Variants in NOS1 observed in about 807,000 individuals in gnomAD.
NOS1 encodes NOS type I.
Under a neutral mutation model 164.5 loss-of-function variants are expected in NOS1, and 51 were observed. The ratio of observed to expected loss-of-function variants is 0.31; its 90% CI spans 0.25 to 0.39. The LOEUF (loss-of-function observed/expected upper bound fraction) is 0.39, where lower values mean the gene tolerates loss of function less well. NOS1 is among the 10% of genes least tolerant of loss of function. The pLI is 1.00. For synonymous variants in NOS1, 719 were observed against 745.8 expected, an observed-to-expected ratio of 0.96 and a Z score of 0.59; for missense variants, 1,362 against 1,885.6, an observed-to-expected ratio of 0.72 and a Z score of 5.14.
chr12:117,291,393 T>G (rs970553954), intron 3 of NOS1, among the ~76,000 whole-genome samples: 3 of 152,082 alleles, frequency 2.0e-5, no homozygotes, highest in African/African-American at 4.8e-5. Context: ...TGGAAGAGCC[T>G]CTTTATGGGG....
At position 117,274,258 on chromosome 12, in the gene NOS1, A is replaced by G. The variant is rs1054989984; in HGVS notation, c.1665-1699T>C. Reference sequence around the variant, plus strand: ...CAGGGATATGCAAACGAAACCCACAATAAGATAACATTTCATCACAGTTAG... The same window carrying G: ...CAGGGATATGCAAACGAAACCCACAGTAAGATAACATTTCATCACAGTTAG... On this transcript the variant is annotated intron_variant, in intron 9 of 28. Coordinates refer to ENST00000317775, the MANE Select transcript of NOS1 (RefSeq NM_000620.5). Among the ~76,000 whole-genome samples the G allele has an allele frequency of 2.4e-4, 37 of 152,212 alleles. 1 individual carries two copies. The highest frequency in any genetic ancestry group is 9.8e-4 in the Admixed American group (15 of 15,276).
rs1220474468 is a variant in NOS1 at position 117,220,116 on chromosome 12, G to T, written c.4129C>A (p.Leu1377Ile). ...IQRIMTQQGK[L>I]SAEDAGVFIS... ...AATACGCCGGCGTCCTCTGCCGAGA[G>T]CTTCCCCTGCTGGGTCATGATGCGC... Residue 1377 changes from leucine (L) to isoleucine (I), a missense_variant, in exon 27 of 29, where the codon CTC becomes ATC. Around this residue, in one of 4 missense-constraint regions of NOS1, gnomAD observed 737 missense variants for 1,030.3 expected, o/e 0.72. Transcript: ENST00000317775. 1 of 1,613,552 alleles carries T rather than the reference G, an allele frequency of 6.2e-7. No homozygotes were observed. The highest frequency in any genetic ancestry group is 8.5e-7 in the Non-Finnish European group (1 of 1,179,758).
chr12:117,251,811 A>AT (rs1871122473), intron 17 of NOS1, among the ~76,000 whole-genome samples: 1 of 151,568 alleles, frequency 6.6e-6, no homozygotes, highest in Non-Finnish European at 1.5e-5. Context: ...GGCTCACTGT[A>AT]ACCTCTGCCT....
intron 3 of NOS1, 44 bp downstream of exon 3, chr12:117,311,421 GA>G: frequency 6.5e-7 from 1 of 1,540,990 alleles, no homozygotes; most frequent in East Asian, 2.4e-5. Flanking sequence ...AGGGGGTCGA[GA>G]AGGCGTGGGA....
At position 117,214,770 on chromosome 12, in the gene NOS1, A is replaced by T. The variant is rs1381047742; in HGVS notation, c.*539T>A. 1.0e-6 allele frequency: 1 copy of T among 985,382 alleles called. No individual in the cohort carries two copies. Among genetic ancestry groups the T allele is most frequent in the Non-Finnish European group, 1.2e-6 (1 of 830,104 alleles). 61.0% of individuals were successfully genotyped at this position (985,382 alleles called of 1,614,324 possible). On this transcript the variant is annotated 3_prime_UTR_variant, in exon 29 of 29. Coordinates refer to ENST00000317775, the MANE Select transcript of NOS1 (RefSeq NM_000620.5). ...CTTGGCATTGAGGGTCTTCAATGAA[A>T]GCAGTGGCAATCTAAGATCGACACA...
chr12:117,212,933 G>C lies in NOS1; in HGVS notation c.*2376C>G, dbSNP rs1956550737. 2 of 985,428 alleles carry C rather than the reference G, an allele frequency of 2.0e-6. No individual in the cohort carries two copies. The highest frequency in any genetic ancestry group is 9.4e-5 in the South Asian group (2 of 21,290). The allele number at this position is 985,428 out of a possible 1,614,324, so 61.0% of individuals were successfully genotyped here. On this transcript the variant is annotated 3_prime_UTR_variant, in exon 29 of 29. Transcript: ENST00000317775. ...CTGCCTTCTAGCCTGGAGTTGTGAAGCAGCTTGTGTTGGGGATTGAAAGGT... is the reference window on the plus strand; with the variant it reads ...CTGCCTTCTAGCCTGGAGTTGTGAACCAGCTTGTGTTGGGGATTGAAAGGT...
intron 1 of NOS1, among the ~76,000 whole-genome samples, chr12:117,358,056 C>T (rs1436049079): frequency 6.6e-6 from 1 of 152,236 alleles, no homozygotes; most frequent in Non-Finnish European, 1.5e-5. Context: ...AAGCCCCGCA[C>T]AGACCCACAG....
At chr12:117,313,406 C>T (rs757159167) in intron 2 of NOS1, among the ~76,000 whole-genome samples, 2 of 152,070 alleles carry the variant, frequency 1.3e-5, no homozygotes, top group Non-Finnish European at 2.9e-5. Flanking sequence ...GCGATCCTCC[C>T]ACCTCTGCCC....
intron 24 of NOS1, among the ~76,000 whole-genome samples, chr12:117,226,116 A>G (rs1868652171): frequency 6.6e-6 from 1 of 152,198 alleles, no homozygotes. Flanking sequence ...ATCATTATCA[A>G]TGGCATGTGG....
At position 117,272,260 on chromosome 12, in the gene NOS1, A is replaced by C; in HGVS notation, c.1839+125T>G. The C allele has an allele frequency of 6.5e-5, 61 of 939,926 alleles. No homozygotes were observed. The highest frequency in any genetic ancestry group is 9.2e-5 in the Non-Finnish European group (55 of 596,968). 58.2% of individuals were successfully genotyped at this position (939,926 alleles called of 1,614,324 possible). A position where few individuals can be genotyped will look rare whatever the true frequency, so the allele number is the denominator to read the frequency against. Reference sequence around the variant, plus strand: ...TGGCATTTCCAGGGGCTTCTCTGGGATTGCAATTCTATTCTAACCCCTTCA... The same window carrying C: ...TGGCATTTCCAGGGGCTTCTCTGGGCTTGCAATTCTATTCTAACCCCTTCA... On this transcript the variant is annotated intron_variant, in intron 10 of 28. Coordinates refer to ENST00000317775, the MANE Select transcript of NOS1 (RefSeq NM_000620.5). The surrounding 1 kb of genome is among the most constrained non-coding windows in gnomAD (Gnocchi z 4.3).
At chr12:117,348,300 A>G (rs1123425) in intron 1 of NOS1, 59,742 of 151,970 alleles carry the variant, frequency 0.39, 12,374 homozygotes, top group East Asian at 0.57. Flanking sequence ...ATGGTTCAGG[A>G]TCACAGGCAT....
At chr12:117,241,459 G>A (rs186980499) in intron 20 of NOS1, among the ~76,000 whole-genome samples, 1 of 151,508 alleles carries the variant, frequency 6.6e-6, no homozygotes, top group Admixed American at 6.6e-5. Flanking sequence ...CCAGTCCTTG[G>A]AATCAACAAG....
rs1869520622 is a variant in NOS1 at position 117,234,340 on chromosome 12, T to A, written c.3235+225A>T. Among the ~76,000 whole-genome samples, 1 of 152,184 alleles carries A rather than the reference T, an allele frequency of 6.6e-6. No individual in the cohort carries two copies. The highest frequency in any genetic ancestry group is 2.1e-4 in the South Asian group (1 of 4,836). On this transcript the variant is annotated intron_variant, in intron 21 of 28. Transcript: ENST00000317775. The surrounding 1 kb of genome is among the most constrained non-coding windows in gnomAD (Gnocchi z 4.3). Reference sequence around the variant, plus strand: ...GGTAGCAGCCCCCTTTTTTCAATGGTGAGCCATCAATGGCCTGGCACTATG... The same window carrying A: ...GGTAGCAGCCCCCTTTTTTCAATGGAGAGCCATCAATGGCCTGGCACTATG...
Position 117,213,001 on chromosome 12 carries a change from C to T in NOS1, c.*2308G>A. On this transcript the variant is annotated 3_prime_UTR_variant, in exon 29 of 29. Coordinates refer to ENST00000317775, the MANE Select transcript of NOS1 (RefSeq NM_000620.5). ...TCTTTCTGGAGAAGAAGGATGAATC[C>T]TGGTTTTATAATCATTTCTTTGGAC... 1.0e-6 allele frequency: 1 copy of T among 985,352 alleles called. No homozygotes were observed. Among genetic ancestry groups the T allele is most frequent in the Non-Finnish European group, 1.2e-6 (1 of 829,916 alleles). The allele number at this position is 985,352 out of a possible 1,614,324, so 61.0% of individuals were successfully genotyped here.
intron 20 of NOS1, among the ~76,000 whole-genome samples, chr12:117,239,762 A>C (rs1178346412): frequency 6.6e-6 from 1 of 152,116 alleles, no homozygotes; most frequent in East Asian, 1.9e-4. Context: ...TAAGCTTGAA[A>C]ATAGGTAGTG....
rs1452001802 is a variant in NOS1, at chr12:117,213,729, A to G, written c.*1580T>C. The G allele has an allele frequency of 1.0e-6, 1 of 985,346 alleles. No individual in the cohort carries two copies. The highest frequency in any genetic ancestry group is 1.7e-5 in the African/African-American group (1 of 57,246). The allele number at this position is 985,346 out of a possible 1,614,324, so 61.0% of individuals were successfully genotyped here. A position where few individuals can be genotyped will look rare whatever the true frequency, so the allele number is the denominator to read the frequency against. On this transcript the variant is annotated 3_prime_UTR_variant, in exon 29 of 29. Coordinates refer to ENST00000317775, the MANE Select transcript of NOS1 (RefSeq NM_000620.5). ...TATAGCAAGACACAACAAACAGGGTAGAACCAGCAGAACATTCCCTTTCCA... is the reference window on the plus strand; with the variant it reads ...TATAGCAAGACACAACAAACAGGGTGGAACCAGCAGAACATTCCCTTTCCA...
At chr12:117,251,141 T>C (rs1437481151) in intron 17 of NOS1, among the ~76,000 whole-genome samples, 5 of 152,248 alleles carry the variant, frequency 3.3e-5, no homozygotes, top group African/African-American at 1.2e-4. Context: ...CCTTCTGCCA[T>C]GTAAGGACAC....
At chr12:117,297,038 C>T (rs1297383650) in intron 3 of NOS1, among the ~76,000 whole-genome samples, 1 of 152,212 alleles carries the variant, frequency 6.6e-6, no homozygotes, top group Non-Finnish European at 1.5e-5. Flanking sequence ...GTGATTAAAA[C>T]CTGAGCAAAC....
intron 7 of NOS1, among the ~76,000 whole-genome samples, chr12:117,284,341 C>T (rs1873930139): frequency 6.6e-6 from 1 of 152,154 alleles, no homozygotes; most frequent in Non-Finnish European, 1.5e-5. Context: ...CCACCTGTCC[C>T]TCTCCCAGCT....
Sources: allele counts gnomAD v4.1 joint callset (sites outside exome capture counted in the v4.1 genomes callset), GRCh38; gene constraint gnomAD v4.1.1; regional missense constraint gnomAD v4.1.1; non-coding constraint Gnocchi (gnomAD v3.1); transcripts MANE v1.5; gene names NCBI Gene and HGNC (gene_info 2026-07-23, HGNC 2026-07-21).